The following STARD13 variants were observed in gnomAD, a reference collection of about 807,000 sequenced individuals.
The protein encoded by STARD13 is StAR related lipid transfer domain containing 13, also known as stAR-related lipid transfer protein 13.
A neutral mutation model predicts 106.4 loss-of-function variants in STARD13; 62 were observed. The ratio of observed to expected loss-of-function variants is 0.58; its 90% CI spans 0.48 to 0.72. STARD13 has a LOEUF of 0.72. Among genes scored for constraint, STARD13 ranks in the 30% least tolerant of loss-of-function variants. The probability of loss-of-function intolerance (pLI) is 0.00; values close to 1 mark genes in which losing one functional copy is unlikely to be tolerated. For missense variants in STARD13, 1,387 were observed against 1,424.0 expected (o/e 0.97, Z 0.42); for synonymous variants, 565 against 553.0 (o/e 1.02, Z -0.31).
intron 1 of STARD13, among the ~76,000 whole-genome samples, chr13:33,317,326 T>C (rs1390655311): frequency 6.6e-6 from 1 of 152,186 alleles, no homozygotes; most frequent in African/African-American, 2.4e-5. Flanking sequence ...ATTCAGCCAG[T>C]TTCTTAAACT....
At chr13:33,337,500 C>A (rs2077910205) in intron 1 of STARD13, among the ~76,000 whole-genome samples, 1 of 152,182 alleles carries the variant, frequency 6.6e-6, no homozygotes, top group Non-Finnish European at 1.5e-5. Flanking sequence ...GAAATACACT[C>A]ACTGTATCAG....
chr13:33,322,448 A>T (rs535532182), intron 1 of STARD13, among the ~76,000 whole-genome samples: 4 of 152,320 alleles, frequency 2.6e-5, no homozygotes, highest in Admixed American at 2.6e-4. Context: ...AATGTATCTG[A>T]TATTTTCATT....
intron 1 of STARD13, among the ~76,000 whole-genome samples, chr13:33,200,205 C>T (rs1473450076): frequency 6.6e-6 from 1 of 152,238 alleles, no homozygotes; most frequent in Non-Finnish European, 1.5e-5. Flanking sequence ...CCTGCCATCC[C>T]CTAAGGGTTC....
At chr13:33,582,330 TCTTA>T in the STARD13 span, among the ~76,000 whole-genome samples, 1 of 152,186 alleles carries the variant, frequency 6.6e-6, no homozygotes, top group Non-Finnish European at 1.5e-5. Context: ...TGACCCCTGT[TCTTA>T]CTTTTACTCA....
intron 1 of STARD13, among the ~76,000 whole-genome samples, chr13:33,229,162 T>C (rs1473821777): frequency 6.6e-6 from 1 of 152,078 alleles, no homozygotes; most frequent in Non-Finnish European, 1.5e-5. Flanking sequence ...CTAAAAGGCA[T>C]GCAACCAACG....
the STARD13 span, among the ~76,000 whole-genome samples, chr13:33,466,838 A>G: frequency 5.9e-5 from 9 of 152,228 alleles, no homozygotes; most frequent in African/African-American, 2.2e-4. Context: ...GTACTTTAAG[A>G]GTCAGAATAG....
At chr13:33,528,257 C>CATATATATATATGTATATATATATATAT in the STARD13 span, among the ~76,000 whole-genome samples, 9 of 92,900 alleles carry the variant, frequency 9.7e-5, no homozygotes, top group African/African-American at 5.8e-4. Context: ...TATATATATA[C>CATATATATATATGTATATATATATATAT]ATATATATAT....
chr13:33,260,541 G>A (rs1890589630), intron 1 of STARD13, among the ~76,000 whole-genome samples: 1 of 152,176 alleles, frequency 6.6e-6, no homozygotes, highest in Non-Finnish European at 1.5e-5. Context: ...TCAAAATTGT[G>A]ACTTCAAAGC....
the STARD13 span, among the ~76,000 whole-genome samples, chr13:33,410,704 G>A: frequency 1.3e-5 from 2 of 152,242 alleles, no homozygotes; most frequent in Non-Finnish European, 1.5e-5. Context: ...TCTTTTAAGC[G>A]CTCCTCACAC....
chr13:33,664,054 G>T, the STARD13 span, among the ~76,000 whole-genome samples: 1 of 152,178 alleles, frequency 6.6e-6, no homozygotes, highest in Admixed American at 6.5e-5. Flanking sequence ...TAACAGGAGT[G>T]CTTTGTCTTA....
intron 1 of STARD13, among the ~76,000 whole-genome samples, chr13:33,295,015 C>T (rs942588578): frequency 6.6e-6 from 1 of 152,024 alleles, no homozygotes; most frequent in Non-Finnish European, 1.5e-5. Context: ...TATACAATCC[C>T]TTTCTTCATG....
upstream of STARD13, among the ~76,000 whole-genome samples, chr13:33,286,583 TTCTAACATGAGGCCATATATATGTC>T: frequency 6.6e-6 from 1 of 152,192 alleles, no homozygotes; most frequent in African/African-American, 2.4e-5. Flanking sequence ...ATACAAAAGC[TTCTAACATGAGGCCATATATATGTC>T]TCAAAAAGGA....
At chr13:33,159,202 C>T (rs956845788) in intron 3 of STARD13, among the ~76,000 whole-genome samples, 2 of 150,886 alleles carry the variant, frequency 1.3e-5, no homozygotes, top group African/African-American at 4.8e-5. Flanking sequence ...CGGGCTATAT[C>T]ATGACAGGTC....
intron 1 of STARD13, among the ~76,000 whole-genome samples, chr13:33,187,345 T>TA (rs1885866902): frequency 6.6e-6 from 1 of 152,218 alleles, no homozygotes; most frequent in African/African-American, 2.4e-5. Context: ...AATTGTGCAT[T>TA]AGTTAATACT....
At chr13:33,450,716 G>A in the STARD13 span, among the ~76,000 whole-genome samples, 1 of 152,178 alleles carries the variant, frequency 6.6e-6, no homozygotes, top group African/African-American at 2.4e-5. Flanking sequence ...TAGAGAATCA[G>A]GGGAGGTTTA....
chr13:33,261,744 T>C (rs1890649732), intron 1 of STARD13, among the ~76,000 whole-genome samples: 1 of 152,212 alleles, frequency 6.6e-6, no homozygotes, highest in Non-Finnish European at 1.5e-5. Flanking sequence ...ACATTTGAGA[T>C]GACTGGCAGG....
At chr13:33,282,323 A>G (rs1891829001) in intron 1 of STARD13, among the ~76,000 whole-genome samples, 1 of 152,198 alleles carries the variant, frequency 6.6e-6, no homozygotes. Context: ...GAAATGATGC[A>G]TGTATGTTTT....
intron 1 of STARD13, among the ~76,000 whole-genome samples, chr13:33,199,081 A>G (rs1886834628): frequency 6.6e-6 from 1 of 152,226 alleles, no homozygotes; most frequent in Non-Finnish European, 1.5e-5. Context: ...GTTTTTAAAC[A>G]TACATCCTTT....
At chr13:33,353,507 AC>A (rs2078099309), upstream of STARD13, among the ~76,000 whole-genome samples, 1 of 152,176 alleles carries the variant, frequency 6.6e-6, no homozygotes, top group Non-Finnish European at 1.5e-5. Context: ...TTAAGGCCTG[AC>A]AGGCTATAGA....
Sources: gnomAD v4.1 joint callset for allele counts (sites outside exome capture counted in the v4.1 genomes callset) on GRCh38, gnomAD v4.1.1 for gene constraint, MANE v1.5 for transcripts, NCBI Gene and HGNC (gene_info 2026-07-23, HGNC 2026-07-21) for gene names.